NHEJ1: variants seen among roughly 807,000 people sequenced by gnomAD.
NHEJ1 encodes non-homologous end joining factor 1, also known as non-homologous end-joining factor 1.
In NHEJ1, 22 loss-of-function variants were observed where a neutral mutation model predicts 39.4. That is an observed-to-expected ratio of 0.56 (90% CI 0.40 to 0.80). The LOEUF (loss-of-function observed/expected upper bound fraction) is 0.80. NHEJ1 is among the 30% of genes least tolerant of loss of function. The pLI, the probability that NHEJ1 is intolerant of heterozygous loss-of-function variation, is 0.00. For synonymous variants in NHEJ1, 154 were observed against 135.6 expected, an observed-to-expected ratio of 1.14 and a Z score of -0.94; for missense variants, 329 against 357.1, an observed-to-expected ratio of 0.92 and a Z score of 0.63.
At chr2:219,158,507 T>C in intron 1 of NHEJ1, 145 bp from the exon 2 acceptor site, 1 of 763,530 alleles carries the variant, frequency 1.3e-6, no homozygotes, top group Admixed American at 2.0e-5. Flanking sequence ...TCTCCCAGTA[T>C]ACAACCAGCT....
At position 219,077,335 on chromosome 2, in the gene NHEJ1, G is replaced by A. The variant is rs1443776503; in HGVS notation, c.736C>T (p.Leu246=). The change falls in exon 7 of 8, where the codon CTG becomes TTG. Residue 246 remains leucine (L), a synonymous_variant. Coordinates refer to ENST00000356853, the MANE Select transcript of NHEJ1 (RefSeq NM_024782.3). ...GDPHTSNSAS[L]QGIDSQCVNQ... is the part of the protein sequence containing the mutation. ...ACACATTGGCTATCGATTCCTTGCAGGGAAGCACTGTTTGAGGTATGAGGA... is the reference window on the plus strand; with the variant it reads ...ACACATTGGCTATCGATTCCTTGCAAGGAAGCACTGTTTGAGGTATGAGGA... 1.5e-5 allele frequency: 24 copies of A among 1,614,078 alleles called. No homozygotes were observed. Among genetic ancestry groups the A allele is most frequent in the Non-Finnish European group, 1.9e-5 (22 of 1,179,962 alleles).
rs1037662958 is a variant in NHEJ1 at position 219,157,665 on chromosome 2, G to A, written c.197C>T (p.Thr66Ile). 6.2e-7 allele frequency: 1 copy of A among 1,613,878 alleles called. No homozygotes were observed. Among genetic ancestry groups the A allele is most frequent in the Non-Finnish European group, 8.5e-7 (1 of 1,179,894 alleles). The stretch of plus-strand genomic sequence containing the variant: ...ACAGAGGAAAGCTGCAGGAGGAGCA[G>A]TGAGCCGCTTGTTCAGCTCCTAAAG... Reference protein sequence around the residue: ...QRAKELNKRLTAPPAAFLCHL... With the variant: ...QRAKELNKRLIAPPAAFLCHL... Residue 66 changes from threonine to isoleucine, a missense_variant, in exon 3 of 8, where the codon ACT becomes ATT. By Grantham distance (89) the Thr-to-Ile change is moderately conservative. Transcript: ENST00000356853.
rs1367808613 is a variant in NHEJ1, at chr2:219,111,576, C to A, written c.589-33370G>T. Among the ~76,000 whole-genome samples the A allele has an allele frequency of 1.3e-5, 2 of 150,728 alleles. No individual in the cohort carries two copies. The highest frequency in any genetic ancestry group is 2.9e-5 in the Non-Finnish European group (2 of 67,806). On this transcript the variant is annotated intron_variant, in intron 5 of 7. Coordinates refer to ENST00000356853, the MANE Select transcript of NHEJ1 (RefSeq NM_024782.3). This position sits in a 1 kb window ranked among gnomAD's most constrained non-coding sequence, Gnocchi z 4.1. ...TCTTTCATGAGACAGTGTGGCCAAG[C>A]CAGTGGGCTGCAGGTTCTGAAGACC... is the stretch of plus-strand genomic sequence containing the variant.
chr2:219,146,615 G>A (rs1161635558), intron 5 of NHEJ1, 65 bp downstream of exon 5: 1 of 1,282,462 alleles, frequency 7.8e-7, no homozygotes, highest in African/African-American at 1.5e-5. Context: ...AACACAAATG[G>A]CCACTCAGGC....
At chr2:219,089,123 C>T (rs1037469866) in intron 5 of NHEJ1, among the ~76,000 whole-genome samples, 1 of 152,140 alleles carries the variant, frequency 6.6e-6, no homozygotes, top group Non-Finnish European at 1.5e-5. Flanking sequence ...CCAGCCTATA[C>T]TTCAATTTTA....
chr2:219,097,942 G>T (rs1949224143), intron 5 of NHEJ1, among the ~76,000 whole-genome samples: 1 of 152,154 alleles, frequency 6.6e-6, no homozygotes, highest in Non-Finnish European at 1.5e-5. Context: ...GAAGAGATCA[G>T]CAAAGAAGAT....
At chr2:219,133,473 A>G (rs1400871530) in intron 5 of NHEJ1, among the ~76,000 whole-genome samples, 1 of 152,262 alleles carries the variant, frequency 6.6e-6, no homozygotes, top group Non-Finnish European at 1.5e-5. Flanking sequence ...TTAGAAGAAG[A>G]AACAAAATGA....
At chr2:219,126,523 T>C (rs535004250) in intron 5 of NHEJ1, among the ~76,000 whole-genome samples, 1 of 152,234 alleles carries the variant, frequency 6.6e-6, no homozygotes, top group African/African-American at 2.4e-5. Context: ...CAGGCAGTTA[T>C]GCGAATCAAA....
intron 5 of NHEJ1, among the ~76,000 whole-genome samples, chr2:219,094,623 G>C (rs528602614): frequency 2.0e-4 from 30 of 152,252 alleles, no homozygotes; most frequent in African/African-American, 7.2e-4. Flanking sequence ...CACTCTTTTG[G>C]ATCTAGGTTT....
At chr2:219,107,170 A>T (rs1463805317) in intron 5 of NHEJ1, among the ~76,000 whole-genome samples, 2 of 152,240 alleles carry the variant, frequency 1.3e-5, no homozygotes, top group African/African-American at 4.8e-5. Context: ...TGCAAGAGAA[A>T]GGAGGATAAA....
intron 5 of NHEJ1, among the ~76,000 whole-genome samples, chr2:219,145,334 G>A (rs935205028): frequency 3.9e-5 from 6 of 152,114 alleles, no homozygotes; most frequent in Non-Finnish European, 8.8e-5. Flanking sequence ...TCAGTACCTG[G>A]ACTGAGCACC....
intron 5 of NHEJ1, among the ~76,000 whole-genome samples, chr2:219,113,938 C>T (rs189635489): frequency 2.0e-5 from 3 of 152,320 alleles, no homozygotes; most frequent in East Asian, 1.9e-4. Flanking sequence ...CAGTCTATCA[C>T]GCTTCAGGAT....
intron 5 of NHEJ1, among the ~76,000 whole-genome samples, chr2:219,105,773 C>T (rs1559192180): frequency 6.6e-6 from 1 of 152,188 alleles, no homozygotes. Context: ...TGCCTACAAT[C>T]CTCCCTCCTT....
chr2:219,088,065 T>C (rs1949128137), intron 5 of NHEJ1, among the ~76,000 whole-genome samples: 1 of 152,182 alleles, frequency 6.6e-6, no homozygotes, highest in Admixed American at 6.5e-5. Flanking sequence ...GGAAAAAGGA[T>C]GATAATATCA....
At chr2:219,093,184 G>C (rs1421574164) in intron 5 of NHEJ1, among the ~76,000 whole-genome samples, 4 of 152,086 alleles carry the variant, frequency 2.6e-5, no homozygotes, top group Non-Finnish European at 5.9e-5. Context: ...TGCTGTAGAA[G>C]GTACCACTGT....
chr2:219,115,298 C>T (rs1341818900), intron 5 of NHEJ1, among the ~76,000 whole-genome samples: 1 of 151,930 alleles, frequency 6.6e-6, no homozygotes, highest in Non-Finnish European at 1.5e-5. Flanking sequence ...TCAATTAGGG[C>T]CTAATTAGAA....
At chr2:219,098,418 G>A (rs1949227705) in intron 5 of NHEJ1, among the ~76,000 whole-genome samples, 1 of 152,162 alleles carries the variant, frequency 6.6e-6, no homozygotes, top group Non-Finnish European at 1.5e-5. Context: ...CAATTTCCTT[G>A]ATAGGTGAGA....
intron 5 of NHEJ1, among the ~76,000 whole-genome samples, chr2:219,101,779 G>T (rs1465245278): frequency 6.8e-6 from 1 of 148,002 alleles, no homozygotes; most frequent in African/African-American, 2.5e-5. Flanking sequence ...AGGCTGGAGT[G>T]CAGTGGCGCG....
chr2:219,128,176 G>T (rs552376650), intron 5 of NHEJ1, among the ~76,000 whole-genome samples: 37 of 152,344 alleles, frequency 2.4e-4, no homozygotes, highest in African/African-American at 8.9e-4. Context: ...AGCCCATGAT[G>T]CGGTAAGTAT....
Sources: gnomAD v4.1 joint callset for allele counts (sites outside exome capture counted in the v4.1 genomes callset) on GRCh38, gnomAD v4.1.1 for gene constraint, Gnocchi (gnomAD v3.1) non-coding constraint, MANE v1.5 for transcripts, NCBI Gene and HGNC (gene_info 2026-07-23, HGNC 2026-07-21) for gene names.